MED18: variants seen among roughly 807,000 people sequenced by gnomAD.
The protein encoded by MED18 is mediator complex subunit 18, also known as mediator of RNA polymerase II transcription subunit 18.
MED18 carries 10 observed loss-of-function variants against 13.9 expected under a neutral mutation model. The observed-to-expected ratio is 0.72, with a 90% CI of 0.44 to 1.22. The LOEUF is 1.22. Among genes scored for constraint, MED18 ranks in the 50% most tolerant of loss-of-function variants. The pLI, the probability that MED18 is intolerant of heterozygous loss-of-function variation, is 0.00. For synonymous variants in MED18, 88 were observed against 93.2 expected (o/e 0.94, Z 0.32); for missense variants, 216 against 279.0 (o/e 0.77, Z 1.61).
At chr1:28,331,576 C>T (rs746409235) in intron 2 of MED18, among the ~76,000 whole-genome samples, 1 of 152,102 alleles carries the variant, frequency 6.6e-6, no homozygotes, top group Admixed American at 6.6e-5. Context: ...AAGTGATATA[C>T]TTGCCTTGGC....
At chr1:28,330,460 C>A (rs1476042458) in intron 1 of MED18, 137 bp from the exon 2 acceptor site, 2 of 424,312 alleles carry the variant, frequency 4.7e-6, no homozygotes, top group Non-Finnish European at 4.2e-6. Context: ...TCTGTGTCAT[C>A]AGTTCCTGGA....
chr1:28,334,634 C>T lies in MED18; in HGVS notation c.291C>T (p.Asn97=), dbSNP rs1359687097. 6.2e-7 allele frequency: 1 copy of T among 1,614,180 alleles called. No individual in the cohort carries two copies. The highest frequency in any genetic ancestry group is 8.5e-7 in the Non-Finnish European group (1 of 1,179,998). ...GACAGCCAGAAATGGGAGACAAGAA[C>T]CGCCATGCCCTGGTGCGAAACTGCG... is the stretch of plus-strand genomic sequence containing the variant. ...YLGQPEMGDK[N]RHALVRNCVD... Residue 97 remains asparagine, a synonymous_variant, in exon 3 of 3, where the codon AAC becomes AAT. Transcript: ENST00000373842.
At position 28,330,587 on chromosome 1, in the gene MED18, T is replaced by C; in HGVS notation, c.-66-10T>C. 8 of 1,156,046 alleles carry C rather than the reference T, an allele frequency of 6.9e-6. No homozygotes were observed. The highest frequency in any genetic ancestry group is 8.8e-6 in the Non-Finnish European group (7 of 796,588). The allele number at this position is 1,156,046 out of a possible 1,614,324, so 71.6% of individuals were successfully genotyped here. A position where few individuals can be genotyped will look rare whatever the true frequency, so the allele number is the denominator to read the frequency against. ...CACTTTGATGTATAAACAAGTGAACTCTTTTCCAGGTATATCCCGTGCCTT... is the reference window on the plus strand; with the variant it reads ...CACTTTGATGTATAAACAAGTGAACCCTTTTCCAGGTATATCCCGTGCCTT... On this transcript the variant is annotated splice_polypyrimidine_tract_variant and intron_variant, in intron 1 of 2. Transcript: ENST00000373842.
intron 2 of MED18, among the ~76,000 whole-genome samples, chr1:28,333,381 C>T (rs751780228): frequency 6.6e-6 from 1 of 152,084 alleles, no homozygotes; most frequent in Non-Finnish European, 1.5e-5. Context: ...AAGACTTAAA[C>T]GGAATGGTCA....
At chr1:28,330,776 C>A in intron 2 of MED18, 41 bp downstream of exon 2, 1 of 1,479,474 alleles carries the variant, frequency 6.8e-7, no homozygotes, top group Non-Finnish European at 9.2e-7. Flanking sequence ...TTTTCCTCTT[C>A]TCTGTTCAGC....
In MED18 at chr1:28,334,636, G is replaced by A. The variant is rs1557754779; in HGVS notation, c.293G>A (p.Arg98His). Reference protein sequence around the residue: ...LGQPEMGDKNRHALVRNCVDI... With the variant: ...LGQPEMGDKNHHALVRNCVDI... Reference sequence around the variant, plus strand: ...CAGCCAGAAATGGGAGACAAGAACCGCCATGCCCTGGTGCGAAACTGCGTG... The same window carrying A: ...CAGCCAGAAATGGGAGACAAGAACCACCATGCCCTGGTGCGAAACTGCGTG... The change falls in exon 3 of 3, where the codon CGC becomes CAC. Residue 98 changes from arginine to histidine, a missense_variant. Coordinates refer to ENST00000373842, the MANE Select transcript of MED18 (RefSeq NM_017638.3). 1.9e-6 allele frequency: 3 copies of A among 1,614,192 alleles called. No individual in the cohort carries two copies. Among genetic ancestry groups the A allele is most frequent in the East Asian group, 2.2e-5 (1 of 44,884 alleles).
chr1:28,334,577 G>A lies in MED18; in HGVS notation c.234G>A (p.Arg78=). 1 of 1,614,160 alleles carries A rather than the reference G, an allele frequency of 6.2e-7. No individual in the cohort carries two copies. Among genetic ancestry groups the A allele is most frequent in the African/African-American group, 1.3e-5 (1 of 75,032 alleles). ...FVLRARRSMD[R]AGAPWHLRYL... Reference sequence around the variant, plus strand: ...TCAGGGCCCGACGCTCTATGGACAGGGCAGGGGCACCCTGGCATCTGCGCT... The same window carrying A: ...TCAGGGCCCGACGCTCTATGGACAGAGCAGGGGCACCCTGGCATCTGCGCT... The change falls in exon 3 of 3, where the codon AGG becomes AGA. Residue 78 remains arginine (R), a synonymous_variant. Coordinates refer to ENST00000373842, the MANE Select transcript of MED18 (RefSeq NM_017638.3).
chr1:28,334,292 G>T lies in MED18; in HGVS notation c.74-125G>T, dbSNP rs1420318597. The T allele has an allele frequency of 8.1e-6, 8 of 985,944 alleles. No individual in the cohort carries two copies. The African/African-American group carries it at 9.8e-5, about 12-fold the overall frequency. The allele number at this position is 985,944 out of a possible 1,614,324, so 61.1% of individuals were successfully genotyped here. On this transcript the variant is annotated intron_variant, in intron 2 of 2. Transcript: ENST00000373842. ...TAATTTCTGTAAAATCTCATGTTTG[G>T]CTGTATGTTTTATGAAATGCTTCAC...
At position 28,335,154 on chromosome 1, in the gene MED18, A is replaced by C; in HGVS notation, c.*184A>C. 1 of 570,632 alleles carries C rather than the reference A, an allele frequency of 1.8e-6. No individual in the cohort carries two copies. Among genetic ancestry groups the C allele is most frequent in the Admixed American group, 3.1e-5 (1 of 32,216 alleles). 35.3% of individuals were successfully genotyped at this position (570,632 alleles called of 1,614,324 possible). A position where few individuals can be genotyped will look rare whatever the true frequency, so the allele number is the denominator to read the frequency against. ...CCTCCTGGGTTCAAGCAATTCTCCC[A>C]CCTCAGCCTCCTGAGTAGCTGGGAT... On this transcript the variant is annotated 3_prime_UTR_variant, in exon 3 of 3. Transcript: ENST00000373842.
Position 28,330,734 on chromosome 1 carries a change from G to T in MED18, c.72G>T (p.Gln24His). ...TTAACATGATGGAGTACCTGTTGCA[G>T]GGTAAGTGAACTAGGGAACTTGGAT... is the stretch of plus-strand genomic sequence containing the variant. ...GTINMMEYLL[Q>H]GSVLDHSLES... The change falls in exon 2 of 3, where the codon CAG (glutamine) becomes CAT (histidine). Residue 24 changes from glutamine to histidine, a missense_variant and splice_region_variant. Physicochemically the swap from Gln to His is conservative, Grantham distance 24 (BLOSUM62 0). Transcript: ENST00000373842. The T allele has an allele frequency of 6.3e-7, 1 of 1,595,068 alleles. No homozygotes were observed. Among genetic ancestry groups the T allele is most frequent in the South Asian group, 1.1e-5 (1 of 87,688 alleles).
chr1:28,332,170 T>A (rs1458239549), intron 2 of MED18, among the ~76,000 whole-genome samples: 1 of 152,066 alleles, frequency 6.6e-6, no homozygotes. Flanking sequence ...TCCAGTTGTT[T>A]GGGAGGCTAA....
intron 2 of MED18, among the ~76,000 whole-genome samples, chr1:28,331,848 A>T (rs1020874118): frequency 6.6e-6 from 1 of 151,882 alleles, no homozygotes; most frequent in Non-Finnish European, 1.5e-5. Flanking sequence ...GATTCAAGCG[A>T]TTCTTCTGTC....
chr1:28,332,972 A>G (rs1287834391), intron 2 of MED18, among the ~76,000 whole-genome samples: 1 of 152,242 alleles, frequency 6.6e-6, no homozygotes, highest in Admixed American at 6.5e-5. Context: ...TACGGATTCA[A>G]TGGAGGGTAT....
rs1313247152 is a variant in MED18, at chr1:28,335,432, AC to A, written c.*463del. ...TGGTGAGAATTAATTGGTTCTTTGC[AC>A]TGTTCTCCTCATGTGGCGATTTCAC... is the stretch of plus-strand genomic sequence containing the variant. On this transcript the variant is annotated 3_prime_UTR_variant, in exon 3 of 3. Coordinates refer to ENST00000373842, the MANE Select transcript of MED18 (RefSeq NM_017638.3). 1 of 177,238 alleles carries A rather than the reference AC, an allele frequency of 5.6e-6. No homozygotes were observed. Among genetic ancestry groups the A allele is most frequent in the African/African-American group, 2.4e-5 (1 of 41,982 alleles). 11.0% of individuals were successfully genotyped at this position (177,238 alleles called of 1,614,324 possible).
At position 28,334,978 on chromosome 1, in the gene MED18, G is replaced by C; in HGVS notation, c.*8G>C. ...CCCAAGAGGCTCATGTGACTAAGAG[G>C]ATCTGTCCACATTTGGGGCCTATCC... is the stretch of plus-strand genomic sequence containing the variant. On this transcript the variant is annotated 3_prime_UTR_variant, in exon 3 of 3. Transcript: ENST00000373842. 1 of 1,603,802 alleles carries C rather than the reference G, an allele frequency of 6.2e-7. No homozygotes were observed. Among genetic ancestry groups the C allele is most frequent in the Non-Finnish European group, 8.5e-7 (1 of 1,172,958 alleles).
Position 28,334,870 on chromosome 1 carries a change from C to T in MED18, c.527C>T (p.Pro176Leu). Reference sequence around the variant, plus strand: ...CTCGTGGAATTAAGTGTGGTAGCACCCGCTGGGCAGGACATGGTCTCTGAT... The same window carrying T: ...CTCGTGGAATTAAGTGTGGTAGCACTCGCTGGGCAGGACATGGTCTCTGAT... ...SYLVELSVVA[P>L]AGQDMVSDDM... The change falls in exon 3 of 3, where the codon CCC becomes CTC. Residue 176 changes from proline (P) to leucine (L), a missense_variant. Coordinates refer to ENST00000373842, the MANE Select transcript of MED18 (RefSeq NM_017638.3). 1 of 1,614,040 alleles carries T rather than the reference C, an allele frequency of 6.2e-7. No homozygotes were observed. Among genetic ancestry groups the T allele is most frequent in the Non-Finnish European group, 8.5e-7 (1 of 1,180,012 alleles).
At chr1:28,331,054 C>A (rs971598974) in intron 2 of MED18, among the ~76,000 whole-genome samples, 1 of 151,690 alleles carries the variant, frequency 6.6e-6, no homozygotes, top group Non-Finnish European at 1.5e-5. Flanking sequence ...ATTAGCCCGG[C>A]GTGGTGGCGG....
rs543160108 is a variant in MED18, at chr1:28,332,282, G to A, written c.73+1547G>A. Among the ~76,000 whole-genome samples, 126 of 151,952 alleles carry A rather than the reference G, an allele frequency of 8.3e-4. 4 individuals are homozygous for A. The South Asian group carries it at 0.024, about 29-fold the overall frequency. ...AAAAATTAGCTGGGCATGGTGGTGC[G>A]CACCTGTAGTCTGAACCACTTGGGA... is the stretch of plus-strand genomic sequence containing the variant. On this transcript the variant is annotated intron_variant, in intron 2 of 2. Coordinates refer to ENST00000373842, the MANE Select transcript of MED18 (RefSeq NM_017638.3).
intron 1 of MED18, among the ~76,000 whole-genome samples, chr1:28,329,444 C>A (rs948067543): frequency 1.3e-5 from 2 of 152,000 alleles, no homozygotes; most frequent in African/African-American, 2.4e-5. Flanking sequence ...CGCCACCAGG[C>A]CTGGCTAATT....
Sources: gnomAD v4.1 joint callset for allele counts (sites outside exome capture counted in the v4.1 genomes callset) on GRCh38, gnomAD v4.1.1 for gene constraint, MANE v1.5 for transcripts, NCBI Gene and HGNC (gene_info 2026-07-23, HGNC 2026-07-21) for gene names.